Variants in PPFIBP1 observed in about 807,000 individuals in gnomAD.
The protein encoded by PPFIBP1 is PPFIB scaffold protein 1.
PPFIBP1 carries 112 observed loss-of-function variants against 137.8 expected under a neutral mutation model. The observed-to-expected ratio is 0.81, with a 90% CI of 0.70 to 0.95. PPFIBP1 has a LOEUF of 0.95. Ranked by LOEUF, PPFIBP1 falls within the 40% of genes least tolerant of loss-of-function variation. PPFIBP1 has a pLI of 0.00. For missense variants in PPFIBP1, 1,083 were observed against 1,196.6 expected (o/e 0.91, Z 1.40); for synonymous variants, 378 against 417.3 (o/e 0.91, Z 1.15).
intron 2 of PPFIBP1, among the ~76,000 whole-genome samples, chr12:27,604,022 A>C (rs544518572): frequency 6.6e-6 from 1 of 152,262 alleles, no homozygotes; most frequent in South Asian, 2.1e-4. Context: ...TCCTTAAAGG[A>C]CTAGAAGTCA....
At chr12:27,654,631 G>T in intron 7 of PPFIBP1, 91 bp from the exon 8 acceptor site, 1 of 1,464,050 alleles carries the variant, frequency 6.8e-7, no homozygotes, top group South Asian at 1.6e-5. Context: ...AGGAGCTGGT[G>T]ACTTCTTAAG....
intron 24 of PPFIBP1, 126 bp from the exon 25 acceptor site, chr12:27,687,259 C>G: frequency 8.7e-7 from 1 of 1,155,990 alleles, no homozygotes; most frequent in African/African-American, 1.6e-5. Flanking sequence ...TGGGTTCTGA[C>G]AAGACCTTGG....
intron 1 of PPFIBP1, among the ~76,000 whole-genome samples, chr12:27,572,001 G>A (rs1185102081): frequency 6.6e-6 from 1 of 152,114 alleles, no homozygotes; most frequent in Admixed American, 6.5e-5. Context: ...ATGACTGACT[G>A]TAATCCGCAA....
chr12:27,662,122 G>A (rs1311453230), intron 11 of PPFIBP1, among the ~76,000 whole-genome samples: 1 of 152,180 alleles, frequency 6.6e-6, no homozygotes, highest in Non-Finnish European at 1.5e-5. Flanking sequence ...GGATTCAGAA[G>A]ACTTCAAAGA....
At chr12:27,595,878 AACAACAAAATATAT>A (rs2053176164) in intron 2 of PPFIBP1, among the ~76,000 whole-genome samples, 1 of 61,946 alleles carries the variant, frequency 1.6e-5, no homozygotes, top group Non-Finnish European at 3.0e-5. Flanking sequence ...CAACAACAAC[AACAACAAAATATAT>A]ATATATATAT....
At chr12:27,651,481 T>G (rs1382269682) in intron 7 of PPFIBP1, among the ~76,000 whole-genome samples, 4 of 152,214 alleles carry the variant, frequency 2.6e-5, no homozygotes, top group East Asian at 1.9e-4. Context: ...CTGGGGCTCT[T>G]AAAACAGGAC....
chr12:27,647,291 G>C (rs117396859), intron 5 of PPFIBP1, among the ~76,000 whole-genome samples: 4 of 151,956 alleles, frequency 2.6e-5, no homozygotes, highest in Non-Finnish European at 5.9e-5. Context: ...GTGAGCCACC[G>C]TGCATGCTAC....
intron 1 of PPFIBP1, among the ~76,000 whole-genome samples, chr12:27,533,675 G>T (rs1944646590): frequency 1.3e-5 from 2 of 152,208 alleles, no homozygotes; most frequent in Admixed American, 6.5e-5. Flanking sequence ...CCAAAGCCTG[G>T]ACTAATGGAT....
chr12:27,604,708 A>G (rs527844727), intron 2 of PPFIBP1, among the ~76,000 whole-genome samples: 3 of 152,320 alleles, frequency 2.0e-5, no homozygotes, highest in African/African-American at 7.2e-5. Context: ...TCAATTAGGA[A>G]CCACTTGTGT....
intron 1 of PPFIBP1, among the ~76,000 whole-genome samples, chr12:27,565,884 C>T (rs2049614858): frequency 6.6e-6 from 1 of 152,116 alleles, no homozygotes; most frequent in African/African-American, 2.4e-5. Context: ...ACATCCTAAC[C>T]ATGTTATTTC....
intron 12 of PPFIBP1, among the ~76,000 whole-genome samples, chr12:27,665,693 G>C (rs1228360482): frequency 6.6e-6 from 1 of 152,154 alleles, no homozygotes; most frequent in Non-Finnish European, 1.5e-5. Context: ...GTAAGCACTG[G>C]ATATAAACAA....
At chr12:27,659,180 G>A (rs1308475186) in intron 10 of PPFIBP1, among the ~76,000 whole-genome samples, 1 of 152,136 alleles carries the variant, frequency 6.6e-6, no homozygotes, top group Non-Finnish European at 1.5e-5. Flanking sequence ...GAAAACTCAC[G>A]ATTTTAAAGG....
At chr12:27,565,127 A>G (rs2049531522) in intron 1 of PPFIBP1, among the ~76,000 whole-genome samples, 2 of 152,214 alleles carry the variant, frequency 1.3e-5, no homozygotes. Context: ...TCAATCTCTA[A>G]GGATGACATC....
chr12:27,559,950 G>A lies in PPFIBP1; in HGVS notation c.-123-18202G>A, dbSNP rs571129364. On this transcript the variant is annotated intron_variant, in intron 1 of 29. Transcript: ENST00000228425. The stretch of plus-strand genomic sequence containing the variant: ...CCCTCAGAAACAAAACACTGTAATT[G>A]TGATTTGAATTAGAATGTACCATGC... Among the ~76,000 whole-genome samples, 104 of 152,310 alleles carry A rather than the reference G, an allele frequency of 6.8e-4. No homozygotes were observed. In the Middle Eastern group the frequency reaches 0.01, roughly 15 times the overall value.
chr12:27,586,161 G>A (rs570487152), intron 2 of PPFIBP1, among the ~76,000 whole-genome samples: 11 of 152,198 alleles, frequency 7.2e-5, no homozygotes, highest in Non-Finnish European at 1.5e-4. Flanking sequence ...TGAGGAAACA[G>A]CACAGAGAAG....
chr12:27,559,459 GC>G (rs1433972946), intron 1 of PPFIBP1, among the ~76,000 whole-genome samples: 2 of 152,314 alleles, frequency 1.3e-5, no homozygotes, highest in East Asian at 3.9e-4. Flanking sequence ...GAGCCACCGT[GC>G]CCGACCCATA....
intron 24 of PPFIBP1, 43 bp from the exon 25 acceptor site, chr12:27,687,342 A>G (rs1366243093): frequency 2.5e-6 from 4 of 1,593,160 alleles, no homozygotes; most frequent in South Asian, 1.1e-5. Context: ...TCCTCCTGCT[A>G]CAGGCCAGCA....
At chr12:27,562,059 T>G (rs2049212049) in intron 1 of PPFIBP1, among the ~76,000 whole-genome samples, 1 of 151,974 alleles carries the variant, frequency 6.6e-6, no homozygotes, top group African/African-American at 2.4e-5. Flanking sequence ...ATCAAATAGT[T>G]AATCAACAAA....
chr12:27,550,991 A>ATATATT (rs375148048), intron 1 of PPFIBP1, among the ~76,000 whole-genome samples: 2,321 of 136,660 alleles, frequency 0.017, 26 homozygotes, highest in South Asian at 0.04. Flanking sequence ...ATATATATAT[A>ATATATT]TTTTTTTTTT....
Sources: gnomAD v4.1 joint callset for allele counts (sites outside exome capture counted in the v4.1 genomes callset) on GRCh38, gnomAD v4.1.1 for gene constraint, MANE v1.5 for transcripts, NCBI Gene and HGNC (gene_info 2026-07-23, HGNC 2026-07-21) for gene names.